The following TMEM178B variants were observed in gnomAD, a reference collection of about 807,000 sequenced individuals.
TMEM178B encodes transmembrane protein 178B.
A neutral mutation model predicts 31.0 loss-of-function variants in TMEM178B; 5 were observed. The observed-to-expected ratio is 0.16, with a 90% CI of 0.08 to 0.34. TMEM178B has a LOEUF of 0.34. Ranked by LOEUF, TMEM178B falls within the 10% of genes least tolerant of loss-of-function variation. The pLI is 1.00. For synonymous variants in TMEM178B, 164 were observed against 164.0 expected (o/e 1.00, Z 0.00); for missense variants, 275 against 400.3 (o/e 0.69, Z 2.67).
In TMEM178B at chr7:141,422,433, C is replaced by A. The variant is rs1269814042; in HGVS notation, c.497-15175C>A. Among the ~76,000 whole-genome samples the A allele has an allele frequency of 1.3e-5, 2 of 152,206 alleles. No individual in the cohort carries two copies. Among genetic ancestry groups the A allele is most frequent in the Admixed American group, 6.5e-5 (1 of 15,288 alleles). On this transcript the variant is annotated intron_variant, in intron 2 of 3. Coordinates refer to ENST00000565468, the MANE Select transcript of TMEM178B (RefSeq NM_001195278.2). The surrounding 1 kb of genome is among the most constrained non-coding windows in gnomAD (Gnocchi z 4.2). The stretch of plus-strand genomic sequence containing the variant: ...CTGGTGCTACCTCACAATGGAGACT[C>A]TTCTTGTTGGTGTGATCGTACGCTA...
chr7:141,382,859 A>G (rs575165832), intron 2 of TMEM178B, among the ~76,000 whole-genome samples: 3 of 152,376 alleles, frequency 2.0e-5, no homozygotes, highest in African/African-American at 7.2e-5. Flanking sequence ...GTGTTCCTTT[A>G]TATCTCTGGA....
At chr7:141,110,650 G>A (rs180851153) in intron 1 of TMEM178B, among the ~76,000 whole-genome samples, 144 of 152,214 alleles carry the variant, frequency 9.5e-4, no homozygotes, top group African/African-American at 3.2e-3. Context: ...TTGACTGAGC[G>A]AGTAACTAAT....
At chr7:141,195,838 C>T (rs576547706) in intron 1 of TMEM178B, among the ~76,000 whole-genome samples, 2 of 152,300 alleles carry the variant, frequency 1.3e-5, no homozygotes, top group East Asian at 3.9e-4. Context: ...GCGAAAGGCA[C>T]TTCTTACGTG....
rs577261430 is a variant in TMEM178B at position 141,417,058 on chromosome 7, T to C, written c.497-20550T>C. On this transcript the variant is annotated intron_variant, in intron 2 of 3. Transcript: ENST00000565468. ...AGAAAAGCCTTTCTCATCATCTGCCTGTAAGTGAGCTGTGTACAGTGCACT... is the reference window on the plus strand; with the variant it reads ...AGAAAAGCCTTTCTCATCATCTGCCCGTAAGTGAGCTGTGTACAGTGCACT... Among the ~76,000 whole-genome samples, 84 of 152,356 alleles carry C rather than the reference T, an allele frequency of 5.5e-4. 1 individual carries two copies. Among genetic ancestry groups the C allele is most frequent in the African/African-American group, 2.0e-3 (82 of 41,576 alleles).
At chr7:141,199,021 GA>G (rs1489702960) in intron 1 of TMEM178B, among the ~76,000 whole-genome samples, 1 of 152,166 alleles carries the variant, frequency 6.6e-6, no homozygotes, top group East Asian at 1.9e-4. Flanking sequence ...TTTCAGGCTG[GA>G]AAATACATGA....
At chr7:141,483,123 C>T (rs1802505348), downstream of TMEM178B, among the ~76,000 whole-genome samples, 1 of 152,144 alleles carries the variant, frequency 6.6e-6, no homozygotes, top group Non-Finnish European at 1.5e-5. Context: ...GCAAGGTATT[C>T]TAAATGATCT....
intron 2 of TMEM178B, among the ~76,000 whole-genome samples, chr7:141,385,453 TA>T (rs1800415451): frequency 6.6e-6 from 1 of 152,184 alleles, no homozygotes; most frequent in African/African-American, 2.4e-5. Flanking sequence ...GCTTTTTAAA[TA>T]AAAATGTACA....
intron 2 of TMEM178B, among the ~76,000 whole-genome samples, chr7:141,395,101 G>C (rs940603311): frequency 6.6e-6 from 1 of 152,120 alleles, no homozygotes; most frequent in Non-Finnish European, 1.5e-5. Flanking sequence ...CTCCACTGCT[G>C]ACCCCTGGAC....
intron 1 of TMEM178B, among the ~76,000 whole-genome samples, chr7:141,101,871 A>G (rs925843962): frequency 2.1e-5 from 3 of 145,234 alleles, no homozygotes; most frequent in African/African-American, 5.1e-5. Context: ...AGTACCCTCT[A>G]TTTTTTTTCT....
intron 1 of TMEM178B, among the ~76,000 whole-genome samples, chr7:141,189,293 A>G (rs966956760): frequency 6.6e-6 from 1 of 152,254 alleles, no homozygotes; most frequent in Admixed American, 6.5e-5. Flanking sequence ...GAACTTTCCC[A>G]TGCAGTGGCT....
intron 1 of TMEM178B, among the ~76,000 whole-genome samples, chr7:141,182,737 T>C (rs1265081190): frequency 6.6e-6 from 1 of 152,206 alleles, no homozygotes; most frequent in Non-Finnish European, 1.5e-5. Flanking sequence ...CATACTGTTC[T>C]TGTGGTGGTG....
intron 2 of TMEM178B, among the ~76,000 whole-genome samples, chr7:141,241,522 A>T (rs150292774): frequency 2.0e-5 from 3 of 148,714 alleles, no homozygotes; most frequent in African/African-American, 7.4e-5. Flanking sequence ...CCCAGGAGGC[A>T]GAGTTTGCAG....
intron 2 of TMEM178B, among the ~76,000 whole-genome samples, chr7:141,327,657 A>G (rs1304480998): frequency 6.6e-6 from 1 of 152,106 alleles, no homozygotes; most frequent in African/African-American, 2.4e-5. Flanking sequence ...ACTTGATCCC[A>G]CTGAGGACAT....
intron 2 of TMEM178B, among the ~76,000 whole-genome samples, chr7:141,430,483 T>G (rs1218099484): frequency 1.3e-5 from 2 of 152,208 alleles, no homozygotes; most frequent in Non-Finnish European, 2.9e-5. Flanking sequence ...TGTCATAACC[T>G]TCATTTACAC....
intron 1 of TMEM178B, among the ~76,000 whole-genome samples, chr7:141,176,356 T>C (rs1406597709): frequency 1.3e-5 from 2 of 152,220 alleles, no homozygotes; most frequent in African/African-American, 4.8e-5. Context: ...TGGATTCGGT[T>C]TGCCAGTATT....
chr7:141,336,970 C>T (rs1227481802), intron 2 of TMEM178B, among the ~76,000 whole-genome samples: 1 of 113,086 alleles, frequency 8.8e-6, no homozygotes, highest in Non-Finnish European at 1.8e-5. Context: ...TCACTACCAC[C>T]ACCACCACCA....
At chr7:141,453,623 T>A (rs887646462) in intron 3 of TMEM178B, among the ~76,000 whole-genome samples, 10 of 152,214 alleles carry the variant, frequency 6.6e-5, no homozygotes, top group African/African-American at 2.4e-4. Context: ...TGTGGGAATA[T>A]GGACAAAGGG....
intron 2 of TMEM178B, among the ~76,000 whole-genome samples, chr7:141,435,231 A>G (rs114996626): frequency 2.8e-4 from 42 of 152,394 alleles, no homozygotes; most frequent in African/African-American, 1.0e-3. Context: ...CAAGTAAAAA[A>G]ATAAACTCAA....
intron 2 of TMEM178B, among the ~76,000 whole-genome samples, chr7:141,350,610 G>A (rs753519281): frequency 6.6e-6 from 1 of 152,090 alleles, no homozygotes; most frequent in South Asian, 2.1e-4. Context: ...AATCTCCTGG[G>A]AACAGTGTAA....
Sources: gnomAD v4.1 joint callset for allele counts (sites outside exome capture counted in the v4.1 genomes callset) on GRCh38, gnomAD v4.1.1 for gene constraint, Gnocchi (gnomAD v3.1) non-coding constraint, MANE v1.5 for transcripts, NCBI Gene and HGNC (gene_info 2026-07-23, HGNC 2026-07-21) for gene names.